MAPK4: variants seen among roughly 807,000 people sequenced by gnomAD.
MAPK4 encodes the protein mitogen-activated protein kinase 4.
A neutral mutation model predicts 47.7 loss-of-function variants in MAPK4; 22 were observed. That is an observed-to-expected ratio of 0.46 (90% confidence interval 0.33 to 0.66). The LOEUF (loss-of-function observed/expected upper bound fraction) is 0.66. Among genes scored for constraint, MAPK4 ranks in the 30% least tolerant of loss-of-function variants. MAPK4 has a pLI of 0.02. For synonymous variants in MAPK4, 390 were observed against 365.7 expected, an observed-to-expected ratio of 1.07 and a Z score of -0.76; for missense variants, 736 against 831.7, an observed-to-expected ratio of 0.88 and a Z score of 1.42.
At chr18:50,725,737 G>A (rs776318728) in intron 4 of MAPK4, among the ~76,000 whole-genome samples, 3 of 152,010 alleles carry the variant, frequency 2.0e-5, no homozygotes, top group Non-Finnish European at 4.4e-5. Context: ...CAAGTCACTT[G>A]ATCCTCTGAG....
intron 1 of MAPK4, among the ~76,000 whole-genome samples, chr18:50,612,393 A>T (rs2149377938): frequency 6.6e-6 from 1 of 152,340 alleles, no homozygotes; most frequent in East Asian, 1.9e-4. Context: ...GTCAGGGATA[A>T]TTCTAGGTCT....
At chr18:50,702,948 G>A (rs1264932725) in intron 2 of MAPK4, among the ~76,000 whole-genome samples, 1 of 152,166 alleles carries the variant, frequency 6.6e-6, no homozygotes, top group Non-Finnish European at 1.5e-5. Flanking sequence ...CCCAGTATGT[G>A]GGCACTTCAA....
intron 1 of MAPK4, among the ~76,000 whole-genome samples, chr18:50,600,909 TTC>T (rs1394553654): frequency 6.6e-6 from 1 of 152,016 alleles, no homozygotes; most frequent in African/African-American, 2.4e-5. Context: ...TCATTCCTTG[TTC>T]ATAAACTTGC....
chr18:50,663,779 A>C lies in MAPK4; in HGVS notation c.-180A>C. The C allele has an allele frequency of 1.7e-6, 1 of 584,286 alleles. No homozygotes were observed. Among genetic ancestry groups the C allele is most frequent in the Non-Finnish European group, 3.0e-6 (1 of 331,634 alleles). 36.2% of individuals were successfully genotyped at this position (584,286 alleles called of 1,614,324 possible). A position where few individuals can be genotyped will look rare whatever the true frequency, so the allele number is the denominator to read the frequency against. On this transcript the variant is annotated 5_prime_UTR_variant, in exon 2 of 6. An upstream start codon of the reference 5' UTR is lost. Transcript: ENST00000400384. Reference sequence around the variant, plus strand: ...CCCCAACTAGCACAGCTCAGCGAGCATGACCATATGCCATTCTCGTCTCCA... The same window carrying C: ...CCCCAACTAGCACAGCTCAGCGAGCCTGACCATATGCCATTCTCGTCTCCA...
At chr18:50,647,419 T>A (rs544412386) in intron 1 of MAPK4, among the ~76,000 whole-genome samples, 2 of 152,298 alleles carry the variant, frequency 1.3e-5, no homozygotes, top group African/African-American at 4.8e-5. Context: ...ATTCAGCATC[T>A]TGAGTTTGTC....
intron 2 of MAPK4, among the ~76,000 whole-genome samples, chr18:50,690,074 T>C (rs1162997542): frequency 6.6e-6 from 1 of 152,068 alleles, no homozygotes; most frequent in Non-Finnish European, 1.5e-5. Context: ...GGGGCTGGCT[T>C]TTCCCTCTCA....
chr18:50,580,374 G>A (rs1183805464), intron 1 of MAPK4, among the ~76,000 whole-genome samples: 1 of 152,222 alleles, frequency 6.6e-6, no homozygotes, highest in African/African-American at 2.4e-5. Context: ...AGAAGGGTGA[G>A]AAGGGCAGGT....
At chr18:50,679,264 C>T (rs1015167785) in intron 2 of MAPK4, among the ~76,000 whole-genome samples, 1 of 152,118 alleles carries the variant, frequency 6.6e-6, no homozygotes, top group African/African-American at 2.4e-5. Context: ...GGTGTGCTTC[C>T]GTGCAGGTCT....
chr18:50,730,062 C>G lies in MAPK4; in HGVS notation c.*208C>G, dbSNP rs1246928398. The G allele has an allele frequency of 6.3e-6, 3 of 478,954 alleles. No homozygotes were observed. Among genetic ancestry groups the G allele is most frequent in the African/African-American group, 1.9e-5 (1 of 51,732 alleles). The allele number at this position is 478,954 out of a possible 1,614,324, so 29.7% of individuals were successfully genotyped here. On this transcript the variant is annotated 3_prime_UTR_variant, in exon 6 of 6. Coordinates refer to ENST00000400384, the MANE Select transcript of MAPK4 (RefSeq NM_002747.4). ...TGTGGGAGCGGGTTTGAACAGGACC[C>G]TGGCTTAGGGGTTGATCACTTTCCT...
chr18:50,576,836 T>C (rs1169658499), intron 1 of MAPK4, among the ~76,000 whole-genome samples: 1 of 152,238 alleles, frequency 6.6e-6, no homozygotes, highest in Non-Finnish European at 1.5e-5. Context: ...TCTGGATTCA[T>C]AGGGTCCTAG....
intron 1 of MAPK4, among the ~76,000 whole-genome samples, chr18:50,579,832 G>A (rs1014711013): frequency 2.0e-5 from 3 of 152,168 alleles, no homozygotes; most frequent in Non-Finnish European, 4.4e-5. Flanking sequence ...TGGAGAAGAG[G>A]GTGACAGTGG....
At chr18:50,637,424 A>C (rs1310029840) in intron 1 of MAPK4, among the ~76,000 whole-genome samples, 2 of 152,210 alleles carry the variant, frequency 1.3e-5, no homozygotes, top group Non-Finnish European at 2.9e-5. Context: ...GAAATGGCAG[A>C]GCCAGAATTT....
At position 50,706,525 on chromosome 18, in the gene MAPK4, A is replaced by G. The variant is rs556052334; in HGVS notation, c.547-8554A>G. On this transcript the variant is annotated intron_variant, in intron 2 of 5. Coordinates refer to ENST00000400384, the MANE Select transcript of MAPK4 (RefSeq NM_002747.4). ...GCAGGTCTGAGAGCCCGTGCTCTAG[A>G]GTGCCACCAGATTTCCCCTTGAAAG... 1.3e-4 allele frequency among the ~76,000 whole-genome samples: 19 copies of G among 151,492 alleles called. No homozygotes were observed. In the East Asian group the frequency reaches 3.5e-3, roughly 28 times the overall value.
chr18:50,707,146 T>C (rs1284833923), intron 2 of MAPK4, among the ~76,000 whole-genome samples: 1 of 152,116 alleles, frequency 6.6e-6, no homozygotes, highest in African/African-American at 2.4e-5. Context: ...TGATTCTGCT[T>C]CTGTGAGGTC....
chr18:50,695,093 A>G (rs1373536149), intron 2 of MAPK4, among the ~76,000 whole-genome samples: 1 of 152,058 alleles, frequency 6.6e-6, no homozygotes, highest in African/African-American at 2.4e-5. Context: ...CGCCTATAAT[A>G]CCAGCACTTT....
intron 1 of MAPK4, among the ~76,000 whole-genome samples, chr18:50,614,053 G>A (rs188009232): frequency 1.9e-4 from 29 of 152,256 alleles, no homozygotes; most frequent in Admixed American, 1.8e-3. Context: ...TGATATCATT[G>A]AAAGTTGGCA....
chr18:50,692,370 A>G (rs1188382492), intron 2 of MAPK4, among the ~76,000 whole-genome samples: 1 of 152,146 alleles, frequency 6.6e-6, no homozygotes, highest in Non-Finnish European at 1.5e-5. Flanking sequence ...TCTTTGTAGG[A>G]CAGAATTTCG....
At chr18:50,717,360 C>T (rs1009437723) in intron 3 of MAPK4, among the ~76,000 whole-genome samples, 2 of 152,190 alleles carry the variant, frequency 1.3e-5, no homozygotes, top group African/African-American at 4.8e-5. Flanking sequence ...ATCATGACTG[C>T]AGTGTGGCCC....
At chr18:50,704,480 C>G (rs1909946838) in intron 2 of MAPK4, 1 of 397,714 alleles carries the variant, frequency 2.5e-6, no homozygotes, top group South Asian at 1.3e-4. Context: ...GACCCTGTCT[C>G]CAAAAAAAAA....
Sources: gnomAD v4.1 joint callset for allele counts (sites outside exome capture counted in the v4.1 genomes callset) on GRCh38, gnomAD v4.1.1 for gene constraint, MANE v1.5 for transcripts, NCBI Gene and HGNC (gene_info 2026-07-23, HGNC 2026-07-21) for gene names.